The following CHCHD2 variants were observed in gnomAD, a reference collection of about 807,000 sequenced individuals.
The protein encoded by CHCHD2 is coiled-coil-helix-coiled-coil-helix domain-containing protein 2.
A neutral mutation model predicts 17.5 loss-of-function variants in CHCHD2; 17 were observed. The observed-to-expected ratio is 0.97, with a 90% CI of 0.67 to 1.46. CHCHD2 has a LOEUF of 1.46. Among genes scored for constraint, CHCHD2 ranks in the 40% most tolerant of loss-of-function variants. The pLI is 0.00. For synonymous variants in CHCHD2, 63 were observed against 74.3 expected (o/e 0.85, Z 0.78); for missense variants, 175 against 199.9 (o/e 0.88, Z 0.75).
intron 1 of CHCHD2, among the ~76,000 whole-genome samples, chr7:56,105,910 A>T (rs1248230909): frequency 1.3e-5 from 2 of 152,214 alleles, no homozygotes; most frequent in African/African-American, 4.8e-5. Flanking sequence ...CTGAACTATT[A>T]TACCAAAAGC....
chr7:56,101,909 CAATAA>C, intron 3 of CHCHD2, 48 bp from the exon 4 acceptor site: 1 of 1,578,070 alleles, frequency 6.3e-7, no homozygotes, highest in Admixed American at 1.8e-5. Flanking sequence ...TTCGTATACT[CAATAA>C]AACAGAAGCC....
chr7:56,106,312 C>G (rs1001088436), intron 1 of CHCHD2, 52 bp downstream of exon 1: 66 of 1,584,682 alleles, frequency 4.2e-5, no homozygotes, highest in Admixed American at 8.5e-5. Flanking sequence ...GTCATTGCCC[C>G]AGTAGAGTCC....
chr7:56,104,596 C>A, intron 1 of CHCHD2, 121 bp from the exon 2 acceptor site: 1 of 1,153,722 alleles, frequency 8.7e-7, no homozygotes, highest in Non-Finnish European at 1.2e-6. Context: ...TTATTTACAT[C>A]ATTTTCTCTC....
chr7:56,101,703 T>A lies in CHCHD2; in HGVS notation c.*148A>T, dbSNP rs557190461. ...CAGAGTAGGGACACCCCCACTTCCA[T>A]TTCAATTCTGAAGCAAGGAAGCCAG... On this transcript the variant is annotated 3_prime_UTR_variant, in exon 4 of 4. Transcript: ENST00000395422. 6.7e-6 allele frequency: 5 copies of A among 743,176 alleles called. No individual in the cohort carries two copies. The South Asian group carries it at 7.6e-5, about 11-fold the overall frequency. 46.0% of individuals were successfully genotyped at this position (743,176 alleles called of 1,614,324 possible). A position where few individuals can be genotyped will look rare whatever the true frequency, so the allele number is the denominator to read the frequency against.
Position 56,106,434 on chromosome 7 carries a change from G to A in CHCHD2, c.-21C>T. ...GGCATCCTAGGTAAGCGACGGCTAGGCCTCCGGACGTGGGACAACCACCGA... is the reference window on the plus strand; with the variant it reads ...GGCATCCTAGGTAAGCGACGGCTAGACCTCCGGACGTGGGACAACCACCGA... On this transcript the variant is annotated 5_prime_UTR_variant, in exon 1 of 4. Coordinates refer to ENST00000395422, the MANE Select transcript of CHCHD2 (RefSeq NM_016139.4). 1.2e-6 allele frequency: 2 copies of A among 1,612,894 alleles called. No homozygotes were observed. Among genetic ancestry groups the A allele is most frequent in the Non-Finnish European group, 1.7e-6 (2 of 1,179,214 alleles).
In CHCHD2 at chr7:56,104,235, G is replaced by T; in HGVS notation, c.291C>A (p.Ile97=). Residue 97 remains isoleucine, a synonymous_variant, in exon 2 of 4, where the codon ATC becomes ATA. Transcript: ENST00000395422. ...CTGCCTAAATTCCCACCTGGTAAGTGATGTCAGGCCTCGCAGGCTCAGCAT... is the reference window on the plus strand; with the variant it reads ...CTGCCTAAATTCCCACCTGGTAAGTTATGTCAGGCCTCGCAGGCTCAGCAT... The part of the protein sequence containing the change: ...GSNAEPARPD[I]TYQEPQGTQP... 2 of 1,613,010 alleles carry T rather than the reference G, an allele frequency of 1.2e-6. No individual in the cohort carries two copies. The highest frequency in any genetic ancestry group is 1.7e-4 in the Middle Eastern group (1 of 6,052).
intron 2 of CHCHD2, 103 bp downstream of exon 2, chr7:56,104,123 G>A: frequency 6.8e-7 from 1 of 1,474,250 alleles, no homozygotes. Context: ...CAGCACAGTG[G>A]GTTCTAAAAT....
At chr7:56,103,071 T>C in intron 2 of CHCHD2, 60 bp from the exon 3 acceptor site, 1 of 1,575,076 alleles carries the variant, frequency 6.3e-7, no homozygotes, top group East Asian at 2.2e-5. Context: ...GCCTAGACAA[T>C]GAAGAGTATC....
At chr7:56,104,584 AATT>A (rs779551980) in intron 1 of CHCHD2, 109 bp from the exon 2 acceptor site, 9 of 1,209,670 alleles carry the variant, frequency 7.4e-6, no homozygotes, top group Non-Finnish European at 1.0e-5. Context: ...TTTCATTTCA[AATT>A]ATTTACATCA....
chr7:56,104,818 A>G (rs1785354639), intron 1 of CHCHD2, among the ~76,000 whole-genome samples: 1 of 151,992 alleles, frequency 6.6e-6, no homozygotes, highest in Non-Finnish European at 1.5e-5. Context: ...TATGGTGACC[A>G]TGGCTGGTCT....
Position 56,104,481 on chromosome 7 carries a change from A to G in CHCHD2, c.51-6T>C, listed in dbSNP as rs1410737781. ...CTCTCATCTGAGGGGCCCGGCTGTG[A>G]AAGAAAAGAAAAAAACATCAAGTTC... On this transcript the variant is annotated splice_region_variant and splice_polypyrimidine_tract_variant and intron_variant, in intron 1 of 3. Coordinates refer to ENST00000395422, the MANE Select transcript of CHCHD2 (RefSeq NM_016139.4). 1 of 1,540,860 alleles carries G rather than the reference A, an allele frequency of 6.5e-7. No individual in the cohort carries two copies. Among genetic ancestry groups the G allele is most frequent in the South Asian group, 1.2e-5 (1 of 82,802 alleles).
chr7:56,105,439 A>G (rs1448457418), intron 1 of CHCHD2, among the ~76,000 whole-genome samples: 1 of 152,214 alleles, frequency 6.6e-6, no homozygotes, highest in Admixed American at 6.5e-5. Flanking sequence ...AAGAGACAAA[A>G]ATCTCTGCAT....
chr7:56,104,313 A>G lies in CHCHD2; in HGVS notation c.213T>C (p.Ala71=). Residue 71 remains alanine (A), a synonymous_variant, in exon 2 of 4, where the codon GCT becomes GCC. Coordinates refer to ENST00000395422, the MANE Select transcript of CHCHD2 (RefSeq NM_016139.4). ...TTAAGVAVGS[A]VGHTLGHAIT... is the part of the protein sequence containing the mutation. The stretch of plus-strand genomic sequence containing the variant: ...TGGCGTGACCCAATGTGTGCCCCAC[A>G]GCAGAGCCCACAGCCACGCCAGCTG... The G allele has an allele frequency of 6.2e-7, 1 of 1,613,834 alleles. No homozygotes were observed.
intron 2 of CHCHD2, among the ~76,000 whole-genome samples, chr7:56,103,966 G>A (rs954698199): frequency 9.2e-5 from 14 of 152,174 alleles, no homozygotes; most frequent in African/African-American, 2.7e-4. Context: ...ATATTCAAAG[G>A]GAAAAGTGGT....
At chr7:56,101,929 A>C in intron 3 of CHCHD2, 68 bp from the exon 4 acceptor site, 1 of 1,486,156 alleles carries the variant, frequency 6.7e-7, no homozygotes, top group East Asian at 2.3e-5. Flanking sequence ...GAAGCCTTCC[A>C]AATTATGAAA....
At chr7:56,105,867 C>G (rs139102671) in intron 1 of CHCHD2, among the ~76,000 whole-genome samples, 1 of 152,168 alleles carries the variant, frequency 6.6e-6, no homozygotes, top group Non-Finnish European at 1.5e-5. Flanking sequence ...TCATTTTACA[C>G]ATTACAAAAC....
intron 1 of CHCHD2, among the ~76,000 whole-genome samples, chr7:56,104,974 G>C (rs1003347081): frequency 6.8e-6 from 1 of 146,594 alleles, no homozygotes; most frequent in Non-Finnish European, 1.5e-5. Context: ...GCAGTGTCAC[G>C]ATCCAATCTC....
intron 1 of CHCHD2, 107 bp downstream of exon 1, chr7:56,106,257 G>A: frequency 9.6e-7 from 1 of 1,041,414 alleles, no homozygotes; most frequent in Non-Finnish European, 1.4e-6. Flanking sequence ...GCGAGCCCAC[G>A]CCGCAGCCGA....
chr7:56,102,348 C>CT (rs57427081), intron 3 of CHCHD2, among the ~76,000 whole-genome samples: 76,181 of 144,972 alleles, frequency 0.53, 20,276 homozygotes, highest in African/African-American at 0.66. Context: ...TTTATACCTT[C>CT]TTTTTTTTTT....
Sources: allele counts gnomAD v4.1 joint callset (sites outside exome capture counted in the v4.1 genomes callset), GRCh38; gene constraint gnomAD v4.1.1; transcripts MANE v1.5; gene names NCBI Gene and HGNC (gene_info 2026-07-23, HGNC 2026-07-21).